The following CFAP58 variants were observed in gnomAD, a reference collection of about 807,000 sequenced individuals.
CFAP58 encodes cilia- and flagella-associated protein 58.
Under a neutral mutation model 119.5 loss-of-function variants are expected in CFAP58, and 88 were observed. The observed-to-expected ratio is 0.74, with a 90% CI of 0.62 to 0.88. The LOEUF is 0.88. Among genes scored for constraint, CFAP58 ranks in the 40% least tolerant of loss-of-function variants. The pLI is 0.00. For synonymous variants in CFAP58, 365 were observed against 366.3 expected, an observed-to-expected ratio of 1.00 and a Z score of 0.04; for missense variants, 990 against 1,021.2, an observed-to-expected ratio of 0.97 and a Z score of 0.42.
At chr10:104,382,363 T>C (rs2011829093) in intron 9 of CFAP58, 1 of 543,998 alleles carries the variant, frequency 1.8e-6, no homozygotes. Context: ...AAATGTCATC[T>C]GTTGCAGCCT....
intron 15 of CFAP58, among the ~76,000 whole-genome samples, chr10:104,410,697 C>T (rs2012446129): frequency 6.6e-6 from 1 of 152,070 alleles, no homozygotes; most frequent in Non-Finnish European, 1.5e-5. Flanking sequence ...CAGCACAACG[C>T]ATTTGGGTAT....
At chr10:104,430,324 C>T (rs548597418) in intron 15 of CFAP58, among the ~76,000 whole-genome samples, 1 of 152,302 alleles carries the variant, frequency 6.6e-6, no homozygotes, top group African/African-American at 2.4e-5. Flanking sequence ...AAGGGAGCAG[C>T]CCCAGGACCA....
rs576947872 is a variant in CFAP58, at chr10:104,357,926, C to T, written c.10-415C>T. On this transcript the variant is annotated intron_variant, in intron 1 of 17. Coordinates refer to ENST00000369704, the MANE Select transcript of CFAP58 (RefSeq NM_001008723.2). ...ACACATATACACACATATATGTACA[C>T]ATATACACACATATATGTACACATA... 2.4e-3 allele frequency among the ~76,000 whole-genome samples: 237 copies of T among 100,738 alleles called. 10 individuals carry two copies. Among genetic ancestry groups the T allele is most frequent in the African/African-American group, 9.7e-3 (182 of 18,798 alleles). The allele number at this position is 100,738 out of a possible 152,430, so 66.1% of individuals were successfully genotyped here.
chr10:104,402,505 G>A (rs2012283298), intron 13 of CFAP58, among the ~76,000 whole-genome samples: 1 of 152,208 alleles, frequency 6.6e-6, no homozygotes, highest in African/African-American at 2.4e-5. Context: ...GGCGAGGACA[G>A]GTAATAATAT....
chr10:104,424,210 GA>G (rs1460373293), intron 15 of CFAP58, among the ~76,000 whole-genome samples: 1 of 152,134 alleles, frequency 6.6e-6, no homozygotes, highest in Non-Finnish European at 1.5e-5. Context: ...ATATGCCTGG[GA>G]GTCCTTTTCT....
At position 104,435,456 on chromosome 10, in the gene CFAP58, T is replaced by G. The variant is rs1474374589; in HGVS notation, c.2257-12242T>G. Among the ~76,000 whole-genome samples the G allele has an allele frequency of 2.6e-5, 4 of 152,202 alleles. No individual in the cohort carries two copies. The South Asian group carries it at 8.3e-4, about 32-fold the overall frequency. The stretch of plus-strand genomic sequence containing the variant: ...AAGATTGTGCCACAGCACTCCAGCC[T>G]GGGTGACAGAGTGAGACCCTGTCTC... On this transcript the variant is annotated intron_variant, in intron 15 of 17. Transcript: ENST00000369704.
intron 15 of CFAP58, among the ~76,000 whole-genome samples, chr10:104,413,253 C>T (rs2012489296): frequency 6.6e-6 from 1 of 152,118 alleles, no homozygotes; most frequent in Non-Finnish European, 1.5e-5. Context: ...TTTCAGGAGT[C>T]TGGAATTTAC....
the CFAP58 span, among the ~76,000 whole-genome samples, chr10:104,338,865 T>C: frequency 6.6e-6 from 1 of 152,250 alleles, no homozygotes; most frequent in African/African-American, 2.4e-5. Flanking sequence ...CGCCAGCCTT[T>C]TTCTCTTTTG....
intron 15 of CFAP58, among the ~76,000 whole-genome samples, chr10:104,433,525 G>A (rs141661002): frequency 9.5e-4 from 144 of 152,308 alleles, no homozygotes; most frequent in African/African-American, 3.3e-3. Flanking sequence ...AAGGCAAGAA[G>A]CCTCAGGAGA....
At chr10:104,370,019 C>T (rs1383243507) in intron 6 of CFAP58, among the ~76,000 whole-genome samples, 2 of 152,110 alleles carry the variant, frequency 1.3e-5, no homozygotes, top group Admixed American at 1.3e-4. Context: ...AATATCTGGT[C>T]CACTTATCCA....
chr10:104,439,845 A>T (rs577723214), intron 15 of CFAP58, among the ~76,000 whole-genome samples: 1 of 152,112 alleles, frequency 6.6e-6, no homozygotes, highest in East Asian at 1.9e-4. Context: ...TTTGAGACGG[A>T]GTCTCGCTCT....
chr10:104,339,827 T>A, the CFAP58 span, among the ~76,000 whole-genome samples: 1 of 152,068 alleles, frequency 6.6e-6, no homozygotes, highest in Non-Finnish European at 1.5e-5. Flanking sequence ...GGGGAAACGG[T>A]CTTGAAAGAG....
At chr10:104,357,948 C>T (rs1046543158) in intron 1 of CFAP58, among the ~76,000 whole-genome samples, 18 of 117,130 alleles carry the variant, frequency 1.5e-4, no homozygotes, top group African/African-American at 5.9e-4. Context: ...TATATGTACA[C>T]ATATATACAC....
intron 15 of CFAP58, among the ~76,000 whole-genome samples, chr10:104,414,954 C>A (rs2012524979): frequency 6.6e-6 from 1 of 152,246 alleles, no homozygotes; most frequent in African/African-American, 2.4e-5. Context: ...TCTCTGAACA[C>A]TCCCCACGCC....
chr10:104,346,633 CTTTT>C, the CFAP58 span, among the ~76,000 whole-genome samples: 1 of 101,108 alleles, frequency 9.9e-6, no homozygotes, highest in Non-Finnish European at 1.9e-5. Flanking sequence ...GCCATTTAGT[CTTTT>C]TTTTTTTTTT....
chr10:104,395,893 T>C (rs1398484787), intron 11 of CFAP58, among the ~76,000 whole-genome samples: 1 of 152,244 alleles, frequency 6.6e-6, no homozygotes, highest in Admixed American at 6.5e-5. Flanking sequence ...TCCAAGCCGA[T>C]AGGCAAACGA....
Position 104,412,953 on chromosome 10 carries a change from C to T in CFAP58, c.2256+6160C>T, listed in dbSNP as rs531047273. ...GGTTAGGTGTCTTGGTACACGTTCC[C>T]GTAACTTAACTTCTTCCTTATACCA... On this transcript the variant is annotated intron_variant, in intron 15 of 17. Transcript: ENST00000369704. 1.7e-4 allele frequency among the ~76,000 whole-genome samples: 26 copies of T among 152,278 alleles called. No individual in the cohort carries two copies. The South Asian group carries it at 4.6e-3, about 27-fold the overall frequency.
intron 11 of CFAP58, among the ~76,000 whole-genome samples, chr10:104,395,707 A>G (rs2012135922): frequency 6.6e-6 from 1 of 152,338 alleles, no homozygotes; most frequent in African/African-American, 2.4e-5. Context: ...TCTGCCAACC[A>G]AAACCCTGAG....
At chr10:104,361,894 T>A (rs982569061) in intron 2 of CFAP58, 129 bp from the exon 3 acceptor site, 1 of 844,736 alleles carries the variant, frequency 1.2e-6, no homozygotes, top group African/African-American at 1.7e-5. Flanking sequence ...GACTAGCTCA[T>A]GTTAAACAAT....
Sources: allele counts gnomAD v4.1 joint callset (sites outside exome capture counted in the v4.1 genomes callset), GRCh38; gene constraint gnomAD v4.1.1; transcripts MANE v1.5; gene names NCBI Gene and HGNC (gene_info 2026-07-23, HGNC 2026-07-21).